RGL1: variants seen among roughly 807,000 people sequenced by gnomAD.
The protein encoded by RGL1 is ral guanine nucleotide dissociation stimulator-like 1.
RGL1 carries 24 observed loss-of-function variants against 95.2 expected under a neutral mutation model. That is an observed-to-expected ratio of 0.25 (90% CI 0.18 to 0.35). The LOEUF (loss-of-function observed/expected upper bound fraction) is 0.35, where lower values mean the gene tolerates loss of function less well. Among genes scored for constraint, RGL1 ranks in the 10% least tolerant of loss-of-function variants. The probability of loss-of-function intolerance (pLI) is 1.00; values close to 1 mark genes in which losing one functional copy is unlikely to be tolerated. For missense variants in RGL1, 715 were observed against 936.3 expected (o/e 0.76, Z 3.08); for synonymous variants, 329 against 344.9 (o/e 0.95, Z 0.51).
chr1:183,836,400 G>A (rs1013863659), intron 2 of RGL1, among the ~76,000 whole-genome samples: 4 of 151,416 alleles, frequency 2.6e-5, no homozygotes, highest in East Asian at 3.9e-4. Flanking sequence ...ACAGGCACCC[G>A]CCATCACACC....
intron 1 of RGL1, among the ~76,000 whole-genome samples, chr1:183,673,725 A>G (rs1652635114): frequency 6.6e-6 from 1 of 152,252 alleles, no homozygotes; most frequent in Non-Finnish European, 1.5e-5. Context: ...TGCTAGAAAT[A>G]GAAGTCTTGC....
At chr1:183,901,869 C>T (rs1195080739) in intron 11 of RGL1, among the ~76,000 whole-genome samples, 2 of 152,000 alleles carry the variant, frequency 1.3e-5, no homozygotes, top group Non-Finnish European at 2.9e-5. Flanking sequence ...TATATACTAC[C>T]CCCTTGTTAT....
intron 2 of RGL1, among the ~76,000 whole-genome samples, chr1:183,746,935 G>C (rs10453828): frequency 0.037 from 5,693 of 152,174 alleles, 118 homozygotes; most frequent in East Asian, 0.08. Flanking sequence ...TTAGTTTGCT[G>C]AGAATGATGG....
At chr1:183,770,840 C>T (rs968298355) in intron 2 of RGL1, among the ~76,000 whole-genome samples, 1 of 152,066 alleles carries the variant, frequency 6.6e-6, no homozygotes, top group African/African-American at 2.4e-5. Context: ...AAATTTTAAG[C>T]CTGGAAGCTT....
chr1:183,756,725 T>G (rs1036950437), intron 2 of RGL1, among the ~76,000 whole-genome samples: 1 of 152,204 alleles, frequency 6.6e-6, no homozygotes, highest in African/African-American at 2.4e-5. Flanking sequence ...AACTAGACTG[T>G]CTGTCCTTCA....
intron 16 of RGL1, among the ~76,000 whole-genome samples, chr1:183,920,543 A>C (rs1222233517): frequency 6.6e-6 from 1 of 152,152 alleles, no homozygotes; most frequent in Non-Finnish European, 1.5e-5. Context: ...TCTTGTCTTC[A>C]TTGGGACATA....
At position 183,668,961 on chromosome 1, in the gene RGL1, G is replaced by A. The variant is rs189936962; in HGVS notation, c.-33+32460G>A. Among the ~76,000 whole-genome samples, 283 of 103,974 alleles carry A rather than the reference G, an allele frequency of 2.7e-3. 1 individual carries two copies. Among genetic ancestry groups the A allele is most frequent in the Middle Eastern group, 9.4e-3 (1 of 106 alleles). 68.2% of individuals were successfully genotyped at this position (103,974 alleles called of 152,430 possible). A position where few individuals can be genotyped will look rare whatever the true frequency, so the allele number is the denominator to read the frequency against. Reference sequence around the variant, plus strand: ...TTTTCTTTTTTTTTTTTTTTGAGATGGAGTCTCACTCTGTCGCCAGGCTGG... The same window carrying A: ...TTTTCTTTTTTTTTTTTTTTGAGATAGAGTCTCACTCTGTCGCCAGGCTGG... On this transcript the variant is annotated intron_variant, in intron 1 of 18. Coordinates refer to the RGL1 transcript ENST00000304685.
chr1:183,669,176 T>TC (rs1652268200), intron 1 of RGL1, among the ~76,000 whole-genome samples: 1 of 152,092 alleles, frequency 6.6e-6, no homozygotes, highest in South Asian at 2.1e-4. Flanking sequence ...TCTCATGACC[T>TC]CGTGATCCAC....
rs1312341027 is a variant in RGL1 at position 183,806,476 on chromosome 1, A to G, written c.129A>G (p.Arg43=). The G allele has an allele frequency of 1.2e-6, 2 of 1,612,304 alleles. No individual in the cohort carries two copies. Among genetic ancestry groups the G allele is most frequent in the African/African-American group, 1.3e-5 (1 of 74,880 alleles). The part of the protein sequence containing the change: ...QIQQAANKGA[R]WLGVEGDQLP... ...AACAGGCTGCCAATAAAGGAGCAAG[A>G]TGGCTAGGGGTGAGTAAAGCTGGCG... Residue 43 remains arginine, a synonymous_variant, in exon 2 of 18, where the codon AGA becomes AGG. Coordinates refer to ENST00000360851, the MANE Select transcript of RGL1 (RefSeq NM_001297671.3).
chr1:183,648,742 T>C, intron 1 of RGL1: 1 of 1,612,992 alleles, frequency 6.2e-7, no homozygotes, highest in Non-Finnish European at 8.5e-7. Context: ...TTTACTATTG[T>C]TCCATGATTT....
chr1:183,821,025 C>T (rs190630248), intron 2 of RGL1, among the ~76,000 whole-genome samples: 15 of 152,010 alleles, frequency 9.9e-5, no homozygotes, highest in Non-Finnish European at 1.9e-4. Context: ...CCCAGCTACT[C>T]GGGAGGCTGA....
intron 2 of RGL1, among the ~76,000 whole-genome samples, chr1:183,817,650 CAG>C: frequency 6.6e-6 from 1 of 152,186 alleles, no homozygotes; most frequent in African/African-American, 2.4e-5. Flanking sequence ...CCCTTGTACT[CAG>C]AGCTGTAACT....
intron 2 of RGL1, among the ~76,000 whole-genome samples, chr1:183,747,400 C>T (rs919475829): frequency 2.0e-5 from 3 of 152,028 alleles, no homozygotes; most frequent in East Asian, 1.9e-4. Flanking sequence ...TGATGATGAG[C>T]GTTTTTTCAT....
intron 2 of RGL1, among the ~76,000 whole-genome samples, chr1:183,824,690 A>G (rs1055363893): frequency 4.6e-5 from 7 of 152,240 alleles, no homozygotes; most frequent in Non-Finnish European, 1.0e-4. Context: ...AAGTATATGT[A>G]TAGCTTTAAT....
intron 3 of RGL1, among the ~76,000 whole-genome samples, chr1:183,859,173 A>G (rs1014175321): frequency 6.6e-6 from 1 of 152,204 alleles, no homozygotes; most frequent in Non-Finnish European, 1.5e-5. Flanking sequence ...GTGGTTTAGC[A>G]TTGTTATGAA....
chr1:183,719,578 A>G (rs1027089339), intron 1 of RGL1, among the ~76,000 whole-genome samples: 24 of 152,130 alleles, frequency 1.6e-4, no homozygotes, highest in African/African-American at 5.6e-4. Flanking sequence ...AAATATTTGC[A>G]AAGGGTGTTC....
In RGL1 at chr1:183,902,509, A is replaced by G. The variant is rs1668087558; in HGVS notation, c.1318-59A>G. 3 of 1,462,334 alleles carry G rather than the reference A, an allele frequency of 2.1e-6. No homozygotes were observed. In the East Asian group the frequency reaches 6.8e-5, roughly 33 times the overall value. The allele number at this position is 1,462,334 out of a possible 1,614,324, so 90.6% of individuals were successfully genotyped here. A position where few individuals can be genotyped will look rare whatever the true frequency, so the allele number is the denominator to read the frequency against. ...CTATTTTAATGTGACCTACGACAAC[A>G]TATGGCTGTGTTTTAAAGTAGCTTG... On this transcript the variant is annotated intron_variant, in intron 11 of 17. Transcript: ENST00000360851.
At chr1:183,740,801 G>T (rs1657246203) in intron 1 of RGL1, among the ~76,000 whole-genome samples, 1 of 152,010 alleles carries the variant, frequency 6.6e-6, no homozygotes. Context: ...CCTTTTCAAT[G>T]GATTGTCATG....
In RGL1 at chr1:183,768,556, C is replaced by A. The variant is rs1004774599; in HGVS notation, c.132+26267C>A. Among the ~76,000 whole-genome samples the A allele has an allele frequency of 4.2e-5, 6 of 142,030 alleles. No homozygotes were observed. The Admixed American group carries it at 4.7e-4, about 11-fold the overall frequency. The allele number at this position is 142,030 out of a possible 152,430, so 93.2% of individuals were successfully genotyped here. ...TGATCACAGCTCACTGCAGCCTTGA[C>A]CTCCTGGACTCAAGCAATCCTCCCA... On this transcript the variant is annotated intron_variant, in intron 2 of 18. Coordinates refer to the RGL1 transcript ENST00000304685.
Sources: allele counts gnomAD v4.1 joint callset (sites outside exome capture counted in the v4.1 genomes callset), GRCh38; gene constraint gnomAD v4.1.1; transcripts MANE v1.5; gene names NCBI Gene and HGNC (gene_info 2026-07-23, HGNC 2026-07-21).